Variants in GLRA1 observed in about 807,000 individuals in gnomAD.
GLRA1 encodes the protein glycine receptor subunit alpha-1.
In GLRA1, 37 loss-of-function variants were observed where a neutral mutation model predicts 48.3. The ratio of observed to expected loss-of-function variants is 0.77; its 90% CI spans 0.59 to 1.01. The LOEUF (loss-of-function observed/expected upper bound fraction) is 1.01. GLRA1 is among the 50% of genes least tolerant of loss of function. The pLI is 0.00. For synonymous variants in GLRA1, 196 were observed against 210.7 expected (o/e 0.93, Z 0.60); for missense variants, 427 against 571.0 (o/e 0.75, Z 2.57).
intron 7 of GLRA1, among the ~76,000 whole-genome samples, chr5:151,837,512 C>T (rs9686904): frequency 7.9e-5 from 12 of 152,252 alleles, no homozygotes; most frequent in East Asian, 1.9e-4. Flanking sequence ...CACATGCACA[C>T]GTATGTTTAT....
In GLRA1 at chr5:151,822,554, CAG is replaced by C. The variant is rs1763164144; in HGVS notation, c.*117_*118del. On this transcript the variant is annotated 3_prime_UTR_variant, in exon 9 of 9. Transcript: ENST00000274576. ...CTGCATTTTGCTATTGCACATATTG[CAG>C]AGAGAGTTGTGTAAGTGTGCCCCCT... 2 of 755,342 alleles carry C rather than the reference CAG, an allele frequency of 2.6e-6. No individual in the cohort carries two copies. Among genetic ancestry groups the C allele is most frequent in the South Asian group, 1.5e-5 (1 of 67,068 alleles). The allele number at this position is 755,342 out of a possible 1,614,324, so 46.8% of individuals were successfully genotyped here.
chr5:151,843,379 G>A (rs1752561694), intron 7 of GLRA1, among the ~76,000 whole-genome samples: 1 of 150,060 alleles, frequency 6.7e-6, no homozygotes, highest in African/African-American at 2.5e-5. Context: ...TCCTGCCTCA[G>A]CCTCCTGAGT....
intron 3 of GLRA1, among the ~76,000 whole-genome samples, chr5:151,868,224 G>A (rs1385238248): frequency 6.6e-6 from 1 of 152,152 alleles, no homozygotes; most frequent in Non-Finnish European, 1.5e-5. Flanking sequence ...GACTAAGGTG[G>A]AACCTGCATG....
At chr5:151,899,502 G>T (rs371241324) in intron 1 of GLRA1, among the ~76,000 whole-genome samples, 2 of 152,110 alleles carry the variant, frequency 1.3e-5, no homozygotes, top group South Asian at 2.1e-4. Flanking sequence ...CTGGGAAGAG[G>T]TGGGGCTGAG....
At chr5:151,834,952 C>T (rs796596109) in intron 7 of GLRA1, among the ~76,000 whole-genome samples, 34 of 146,550 alleles carry the variant, frequency 2.3e-4, no homozygotes, top group Admixed American at 6.4e-4. Flanking sequence ...AGCGTGAACC[C>T]GAGAAGTGGA....
intron 2 of GLRA1, among the ~76,000 whole-genome samples, chr5:151,888,046 G>C (rs1753959013): frequency 6.6e-6 from 1 of 152,234 alleles, no homozygotes; most frequent in Non-Finnish European, 1.5e-5. Context: ...AGACAGGGCA[G>C]AATTCTTGTT....
intron 3 of GLRA1, among the ~76,000 whole-genome samples, chr5:151,872,788 C>T (rs905516102): frequency 1.3e-5 from 2 of 149,678 alleles, no homozygotes; most frequent in Admixed American, 6.6e-5. Flanking sequence ...TCCCATGTTT[C>T]GAAATTTGGG....
At chr5:151,880,490 C>T (rs1008470544) in intron 3 of GLRA1, among the ~76,000 whole-genome samples, 6 of 152,352 alleles carry the variant, frequency 3.9e-5, no homozygotes, top group Admixed American at 2.0e-4. Flanking sequence ...CCACAGTGCA[C>T]CTGTCTTGTG....
intron 1 of GLRA1, among the ~76,000 whole-genome samples, chr5:151,898,976 T>C (rs1313818997): frequency 6.6e-6 from 1 of 152,156 alleles, no homozygotes; most frequent in Non-Finnish European, 1.5e-5. Flanking sequence ...ACAGCATGTG[T>C]AGTTTAGAAG....
At position 151,851,532 on chromosome 5, in the gene GLRA1, A is replaced by T. The variant is rs1752910323; in HGVS notation, c.770T>A (p.Ile257Asn). 2 of 1,614,008 alleles carry T rather than the reference A, an allele frequency of 1.2e-6. No homozygotes were observed. The highest frequency in any genetic ancestry group is 1.7e-6 in the Non-Finnish European group (2 of 1,179,874). ...QMGYYLIQMY[I>N]PSLLIVILSW... is the part of the protein sequence containing the mutation. ...GAGGATGACAATGAGCAGGCTGGGA[A>T]TATACATCTGAATCAGGTAGTAACC... Residue 257 changes from isoleucine (I) to asparagine (N), a missense_variant, in exon 7 of 9, where the codon ATT (isoleucine) becomes AAT (asparagine). Transcript: ENST00000274576.
At chr5:151,833,364 A>G (rs562128505) in intron 7 of GLRA1, among the ~76,000 whole-genome samples, 45 of 152,336 alleles carry the variant, frequency 3.0e-4, no homozygotes, top group Non-Finnish European at 2.2e-4. Flanking sequence ...CAAATTGGAT[A>G]AAGAATCAAG....
At chr5:151,832,679 G>A (rs765157813) in intron 7 of GLRA1, among the ~76,000 whole-genome samples, 3 of 152,204 alleles carry the variant, frequency 2.0e-5, no homozygotes, top group Non-Finnish European at 4.4e-5. Context: ...TTCAGTTGGT[G>A]TACCTGAAAG....
At chr5:151,830,123 A>G (rs888845195) in intron 7 of GLRA1, among the ~76,000 whole-genome samples, 1 of 152,214 alleles carries the variant, frequency 6.6e-6, no homozygotes, top group Non-Finnish European at 1.5e-5. Flanking sequence ...ATCCAGCTCC[A>G]TAGTAGCATT....
intron 2 of GLRA1, among the ~76,000 whole-genome samples, chr5:151,888,227 A>G (rs1561572778): frequency 1.3e-5 from 2 of 152,256 alleles, no homozygotes; most frequent in Non-Finnish European, 2.9e-5. Context: ...TTGAAAAAGT[A>G]GCCCAAGCAT....
At position 151,844,526 on chromosome 5, in the gene GLRA1, G is replaced by C. The variant is rs1357267838; in HGVS notation, c.912+6864C>G. The stretch of plus-strand genomic sequence containing the variant: ...AATTTCAGCTACTCGGGAGGCTGAG[G>C]CTGGAGAATCTCTTGCACCTGGGAG... On this transcript the variant is annotated intron_variant, in intron 7 of 8. Coordinates refer to ENST00000274576, the MANE Select transcript of GLRA1 (RefSeq NM_000171.4). Among the ~76,000 whole-genome samples the C allele has an allele frequency of 4.7e-5, 7 of 147,926 alleles. No individual in the cohort carries two copies. In the East Asian group the frequency reaches 1.2e-3, roughly 25 times the overall value.
intron 3 of GLRA1, among the ~76,000 whole-genome samples, chr5:151,873,832 T>C (rs943779432): frequency 6.6e-6 from 1 of 152,180 alleles, no homozygotes; most frequent in African/African-American, 2.4e-5. Flanking sequence ...TTAAAAATTG[T>C]TATTTTAGAT....
chr5:151,824,811 T>G (rs1581594225), intron 8 of GLRA1, among the ~76,000 whole-genome samples: 1 of 152,200 alleles, frequency 6.6e-6, no homozygotes, highest in East Asian at 1.9e-4. Flanking sequence ...GATTATAAGC[T>G]CCGTGCAAAG....
In GLRA1 at chr5:151,911,784, G is replaced by A. The variant is rs183412602; in HGVS notation, c.56+12710C>T. Among the ~76,000 whole-genome samples, 1,211 of 151,500 alleles carry A rather than the reference G, an allele frequency of 8.0e-3. 19 individuals are homozygous for A. Among genetic ancestry groups the A allele is most frequent in the African/African-American group, 0.028 (1,139 of 41,334 alleles). ...CCGCACCTGGCTAATTTTTTTTTGT[G>A]TTTTTAGTAGAGACGAGGTTTCACC... is the stretch of plus-strand genomic sequence containing the variant. On this transcript the variant is annotated intron_variant, in intron 1 of 8. Transcript: ENST00000274576.
intron 4 of GLRA1, among the ~76,000 whole-genome samples, 188 bp from the exon 5 acceptor site, chr5:151,856,571 C>T (rs546255441): frequency 5.3e-5 from 8 of 152,168 alleles, no homozygotes; most frequent in South Asian, 4.2e-4. Context: ...CAGGCTGGAG[C>T]GCAATGATGC....
Sources: gnomAD v4.1 joint callset for allele counts (sites outside exome capture counted in the v4.1 genomes callset) on GRCh38, gnomAD v4.1.1 for gene constraint, MANE v1.5 for transcripts, NCBI Gene and HGNC (gene_info 2026-07-23, HGNC 2026-07-21) for gene names.